Variants in NKX2-5 observed in about 807,000 individuals in gnomAD.
NKX2-5 encodes the protein homeobox protein Nkx-2.5.
In NKX2-5, 3 loss-of-function variants were observed where a neutral mutation model predicts 24.5. That is an observed-to-expected ratio of 0.12 (90% CI 0.06 to 0.32). NKX2-5 has a LOEUF of 0.32. NKX2-5 is among the 10% of genes least tolerant of loss of function. The probability of loss-of-function intolerance (pLI) is 1.00; values close to 1 mark genes in which losing one functional copy is unlikely to be tolerated. For missense variants in NKX2-5, 429 were observed against 452.4 expected, an observed-to-expected ratio of 0.95 and a Z score of 0.47; for synonymous variants, 215 against 217.6, an observed-to-expected ratio of 0.99 and a Z score of 0.11.
rs1188424210 is a variant in NKX2-5 at position 173,232,691 on chromosome 5, T to C, written c.853A>G (p.Thr285Ala). The change falls in exon 2 of 2, where the codon ACT becomes GCT. Residue 285 changes from threonine (T) to alanine (A), a missense_variant. Thr to Ala is a moderately conservative substitution (Grantham distance 58). This residue lies in a region of NKX2-5 where 183 missense variants were observed against 185.9 expected (regional missense o/e 0.98). Coordinates refer to ENST00000329198, the MANE Select transcript of NKX2-5 (RefSeq NM_004387.4). The surrounding 1 kb of genome is among the most constrained non-coding windows in gnomAD (Gnocchi z 5.9). ...ACGAAGTTGTTGTTGGCGGCGGCAG[T>C]GGCCGGCTGCGCTGGGGAAGGCCCG... is the stretch of plus-strand genomic sequence containing the variant. Reference protein sequence around the residue: ...PAGPSPAQPATAAANNNFVNF... With the variant: ...PAGPSPAQPAAAAANNNFVNF... 1.2e-6 allele frequency: 2 copies of C among 1,610,626 alleles called. No individual in the cohort carries two copies. Among genetic ancestry groups the C allele is most frequent in the African/African-American group, 1.3e-5 (1 of 74,890 alleles).
intron 1 of NKX2-5, among the ~76,000 whole-genome samples, chr5:173,234,464 ACCAGAC>A (rs1761414240): frequency 6.6e-6 from 1 of 152,214 alleles, no homozygotes; most frequent in Non-Finnish European, 1.5e-5. Context: ...TCAACTTCCT[ACCAGAC>A]CCAGGAGCAG....
At position 173,232,386 on chromosome 5, in the gene NKX2-5, C is replaced by T. The variant is rs1289782461; in HGVS notation, c.*183G>A. 8 of 1,147,754 alleles carry T rather than the reference C, an allele frequency of 7.0e-6. No homozygotes were observed. In the South Asian group the frequency reaches 7.6e-5, roughly 11 times the overall value. 71.1% of individuals were successfully genotyped at this position (1,147,754 alleles called of 1,614,324 possible). On this transcript the variant is annotated 3_prime_UTR_variant, in exon 2 of 2. Coordinates refer to ENST00000329198, the MANE Select transcript of NKX2-5 (RefSeq NM_004387.4). The surrounding 1 kb of genome is among the most constrained non-coding windows in gnomAD (Gnocchi z 5.9). ...CACTCATTGCACGCTGCATAATCGC[C>T]GCCACAAACTCTCCCGTGCGCAAGA...
intron 1 of NKX2-5, chr5:173,233,450 G>C (rs1308631223): frequency 5.2e-6 from 8 of 1,525,912 alleles, no homozygotes; most frequent in Non-Finnish European, 7.0e-6. Flanking sequence ...CTCTGCCCTC[G>C]GGGCAGTTCA....
In NKX2-5 at chr5:173,232,807, T is replaced by C. The variant is rs966145309; in HGVS notation, c.737A>G (p.Asn246Ser). 9 of 1,611,918 alleles carry C rather than the reference T, an allele frequency of 5.6e-6. No individual in the cohort carries two copies. The highest frequency in any genetic ancestry group is 1.7e-5 in the Admixed American group (1 of 59,966). ...PYAPAYGVGL[N>S]PYGYNAYPAY... The stretch of plus-strand genomic sequence containing the variant: ...GGGGTAGGCGTTATAACCGTAGGGA[T>C]TGAGGCCCACGCCGTAGGCAGGCGC... Residue 246 changes from asparagine (N) to serine (S), a missense_variant, in exon 2 of 2, where the codon AAT becomes AGT. Asn to Ser is a conservative substitution (Grantham distance 46). This residue lies in a region of NKX2-5 where 183 missense variants were observed against 185.9 expected (regional missense o/e 0.98). Transcript: ENST00000329198. This position sits in a 1 kb window ranked among gnomAD's most constrained non-coding sequence, Gnocchi z 5.9.
At chr5:173,234,268 G>C in intron 1 of NKX2-5, 1 of 1,204,386 alleles carries the variant, frequency 8.3e-7, no homozygotes, top group Non-Finnish European at 1.1e-6. Context: ...CGGGTCGTGG[G>C]TGGGCTGCAG....
Position 173,232,935 on chromosome 5 carries a change from C to T in NKX2-5, c.609G>A (p.Glu203=), listed in dbSNP as rs376792087. The change falls in exon 2 of 2, where the codon GAG becomes GAA. Residue 203 remains glutamate (E), a synonymous_variant. Coordinates refer to ENST00000329198, the MANE Select transcript of NKX2-5 (RefSeq NM_004387.4). The surrounding 1 kb of genome is among the most constrained non-coding windows in gnomAD (Gnocchi z 5.9). ...CKRQRQDQTL[E]LVGLPPPPPP... is the part of the protein sequence containing the mutation. ...GCGGCGGCGGGGGCAGCCCCACCAGCTCCAGAGTCTGGTCCTGCCGCTGCC... is the reference window on the plus strand; with the variant it reads ...GCGGCGGCGGGGGCAGCCCCACCAGTTCCAGAGTCTGGTCCTGCCGCTGCC... The T allele has an allele frequency of 1.5e-5, 24 of 1,604,664 alleles. No individual in the cohort carries two copies. In the African/African-American group the frequency reaches 2.9e-4, roughly 20 times the overall value.
intron 1 of NKX2-5, chr5:173,233,511 AAAAAAAAATAAATAAAAAAAT>A (rs1581109487): frequency 3.4e-6 from 3 of 882,010 alleles, no homozygotes; most frequent in Non-Finnish European, 5.2e-6. Flanking sequence ...GCTGCAAAAA[AAAAAAAAATAAATAAAAAAAT>A]AAAAAAATAA....
At chr5:173,234,104 G>A (rs1761405203) in intron 1 of NKX2-5, 3 of 1,289,434 alleles carry the variant, frequency 2.3e-6, no homozygotes, top group Non-Finnish European at 3.0e-6. Context: ...TTTTCCACGA[G>A]GGAACCTCTC....
chr5:173,232,473 G>C lies in NKX2-5; in HGVS notation c.*96C>G. On this transcript the variant is annotated 3_prime_UTR_variant, in exon 2 of 2. Transcript: ENST00000329198. The surrounding 1 kb of genome is among the most constrained non-coding windows in gnomAD (Gnocchi z 5.9). ...CCGCAGGAGTGAATGCAAAATCCAG[G>C]GGACTCAGGGTCATGTTGGGAGCCC... is the stretch of plus-strand genomic sequence containing the variant. 1 of 1,551,004 alleles carries C rather than the reference G, an allele frequency of 6.4e-7. No homozygotes were observed. The highest frequency in any genetic ancestry group is 8.7e-7 in the Non-Finnish European group (1 of 1,155,530).
In NKX2-5 at chr5:173,232,824, G is replaced by A. The variant is rs1761349415; in HGVS notation, c.720C>T (p.Ala240=). The A allele has an allele frequency of 5.0e-6, 8 of 1,611,888 alleles. No homozygotes were observed. The highest frequency in any genetic ancestry group is 6.8e-6 in the Non-Finnish European group (8 of 1,179,542). ...CGTAGGGATTGAGGCCCACGCCGTAGGCAGGCGCGTAGGGCGCCGAGTCCC... is the reference window on the plus strand; with the variant it reads ...CGTAGGGATTGAGGCCCACGCCGTAAGCAGGCGCGTAGGGCGCCGAGTCCC... ...CLGDSAPYAP[A]YGVGLNPYGY... Residue 240 remains alanine, a synonymous_variant, in exon 2 of 2, where the codon GCC becomes GCT. Coordinates refer to ENST00000329198, the MANE Select transcript of NKX2-5 (RefSeq NM_004387.4). This position sits in a 1 kb window ranked among gnomAD's most constrained non-coding sequence, Gnocchi z 5.9.
rs762836048 is a variant in NKX2-5, at chr5:173,232,716, G to A, written c.828C>T (p.Ala276=). 1.2e-6 allele frequency: 2 copies of A among 1,608,832 alleles called. No homozygotes were observed. Among genetic ancestry groups the A allele is most frequent in the East Asian group, 2.2e-5 (1 of 44,768 alleles). The change falls in exon 2 of 2, where the codon GCC becomes GCT. Residue 276 remains alanine, a synonymous_variant. Transcript: ENST00000329198. The surrounding 1 kb of genome is among the most constrained non-coding windows in gnomAD (Gnocchi z 5.9). ...TGGCCGGCTGCGCTGGGGAAGGCCC[G>A]GCGGGGTAAGCGGCAGTGCAGCTGT... ...PGYSCTAAYP[A]GPSPAQPATA...
In NKX2-5 at chr5:173,234,890, C is replaced by G; in HGVS notation, c.194G>C (p.Gly65Ala). The G allele has an allele frequency of 6.2e-7, 1 of 1,606,468 alleles. No individual in the cohort carries two copies. Among genetic ancestry groups the G allele is most frequent in the South Asian group, 1.1e-5 (1 of 90,582 alleles). The change falls in exon 1 of 2, where the codon GGC becomes GCC. Residue 65 changes from glycine to alanine, a missense_variant. Physicochemically the swap from Gly to Ala is moderately conservative, Grantham distance 60. Transcript: ENST00000329198. ...CAGCTCTGCGCGCAGCTCTGGGAGG[C>G]CCGGCGCAGCCGCCTCGGGCCCAGC... ...AYAGPEAAAP[G>A]LPELRAELGR...
chr5:173,233,047 G>A lies in NKX2-5; in HGVS notation c.497C>T (p.Pro166Leu), dbSNP rs1183825086. The A allele has an allele frequency of 6.2e-7, 1 of 1,605,182 alleles. No homozygotes were observed. Among genetic ancestry groups the A allele is most frequent in the East Asian group, 2.2e-5 (1 of 44,496 alleles). The change falls in exon 2 of 2, where the codon CCC becomes CTC. Residue 166 changes from proline to leucine, a missense_variant. By Grantham distance (98) the Pro-to-Leu change is moderately conservative (BLOSUM62 -3). Around this residue, in one of 3 missense-constraint regions of NKX2-5, gnomAD observed 240 missense variants for 240.4 expected, o/e 1.00. Transcript: ENST00000329198. ...CACGCTGGCCAGCTGGTCGCGTTCG[G>A]GGGCCGACAGGTACCGCTGCTGCTT... The part of the protein sequence containing the change: ...RFKQQRYLSA[P>L]ERDQLASVLK...
chr5:173,232,598 A>G lies in NKX2-5; in HGVS notation c.946T>C (p.Ser316Pro). 3 of 1,612,188 alleles carry G rather than the reference A, an allele frequency of 1.9e-6. No individual in the cohort carries two copies. The highest frequency in any genetic ancestry group is 1.1e-5 in the South Asian group (1 of 91,088). Residue 316 changes from serine (S) to proline (P), a missense_variant, in exon 2 of 2, where the codon TCC (serine) becomes CCC (proline). Coordinates refer to ENST00000329198, the MANE Select transcript of NKX2-5 (RefSeq NM_004387.4). The surrounding 1 kb of genome is among the most constrained non-coding windows in gnomAD (Gnocchi z 5.9). ...CAGGCTCGGATACCATGCAGCGTGG[A>G]CACTCCCGAGTTGCTCTGCGGAATC... Reference protein sequence around the residue: ...PGIPQSNSGVSTLHGIRAW With the variant: ...PGIPQSNSGVPTLHGIRAW
Position 173,232,435 on chromosome 5 carries a change from A to T in NKX2-5, c.*134T>A. 5 of 1,477,550 alleles carry T rather than the reference A, an allele frequency of 3.4e-6. No homozygotes were observed. In the East Asian group the frequency reaches 1.2e-4, roughly 37 times the overall value. 91.5% of individuals were successfully genotyped at this position (1,477,550 alleles called of 1,614,324 possible). ...GAACAAACGCGCGTGGGACAGAAAA[A>T]GTTCCTAGGTCTCCGCAGGAGTGAA... On this transcript the variant is annotated 3_prime_UTR_variant, in exon 2 of 2. Coordinates refer to ENST00000329198, the MANE Select transcript of NKX2-5 (RefSeq NM_004387.4). This position sits in a 1 kb window ranked among gnomAD's most constrained non-coding sequence, Gnocchi z 5.9.
rs1761334515 is a variant in NKX2-5, at chr5:173,232,406, G to T, written c.*163C>A. 7.6e-7 allele frequency: 1 copy of T among 1,315,258 alleles called. No homozygotes were observed. The highest frequency in any genetic ancestry group is 1.0e-6 in the Non-Finnish European group (1 of 971,600). The allele number at this position is 1,315,258 out of a possible 1,614,324, so 81.5% of individuals were successfully genotyped here. A position where few individuals can be genotyped will look rare whatever the true frequency, so the allele number is the denominator to read the frequency against. On this transcript the variant is annotated 3_prime_UTR_variant, in exon 2 of 2. Transcript: ENST00000329198. The surrounding 1 kb of genome is among the most constrained non-coding windows in gnomAD (Gnocchi z 5.9). ...ATCGCCGCCACAAACTCTCCCGTGC[G>T]CAAGAACAAACGCGCGTGGGACAGA...
intron 1 of NKX2-5, among the ~76,000 whole-genome samples, chr5:173,234,502 T>G (rs1344053873): frequency 6.6e-6 from 1 of 152,172 alleles, no homozygotes; most frequent in Non-Finnish European, 1.5e-5. Context: ...CCCGGGGCTT[T>G]GTTAGGCCGG....
intron 1 of NKX2-5, chr5:173,234,402 A>G (rs1761412646): frequency 1.3e-6 from 1 of 771,646 alleles, no homozygotes; most frequent in Non-Finnish European, 1.6e-6. Context: ...GGAGATTTAA[A>G]AACAGAGATT....
At chr5:173,233,702 G>C (rs1379296747) in intron 1 of NKX2-5, among the ~76,000 whole-genome samples, 1 of 152,112 alleles carries the variant, frequency 6.6e-6, no homozygotes, top group Non-Finnish European at 1.5e-5. Flanking sequence ...TTGGTGATCG[G>C]AGGCTCCAGC....
Sources: gnomAD v4.1 joint callset for allele counts (sites outside exome capture counted in the v4.1 genomes callset) on GRCh38, gnomAD v4.1.1 for gene constraint, gnomAD v4.1.1 regional missense constraint, Gnocchi (gnomAD v3.1) non-coding constraint, MANE v1.5 for transcripts, NCBI Gene and HGNC (gene_info 2026-07-23, HGNC 2026-07-21) for gene names.